The following CDH18 variants were observed in gnomAD, a reference collection of about 807,000 sequenced individuals.
CDH18 encodes cadherin-18.
A neutral mutation model predicts 67.9 loss-of-function variants in CDH18; 31 were observed. The observed-to-expected ratio is 0.46, with a 90% CI of 0.34 to 0.62. The LOEUF (loss-of-function observed/expected upper bound fraction) is 0.62. Among genes scored for constraint, CDH18 ranks in the 20% least tolerant of loss-of-function variants. CDH18 has a pLI of 0.01. For synonymous variants in CDH18, 362 were observed against 347.2 expected, an observed-to-expected ratio of 1.04 and a Z score of -0.48; for missense variants, 890 against 975.5, an observed-to-expected ratio of 0.91 and a Z score of 1.17.
intron 2 of CDH18, among the ~76,000 whole-genome samples, chr5:20,038,948 T>C (rs1412624127): frequency 6.6e-6 from 1 of 152,226 alleles, no homozygotes; most frequent in African/African-American, 2.4e-5. Context: ...GAAAACCCCA[T>C]CGTTTCAGCC....
At chr5:20,512,454 T>G (rs1755097158) in intron 1 of CDH18, among the ~76,000 whole-genome samples, 1 of 152,200 alleles carries the variant, frequency 6.6e-6, no homozygotes, top group African/African-American at 2.4e-5. Context: ...CTTATAATTA[T>G]GTATTAATGT....
At chr5:19,685,343 C>G (rs1760929632) in intron 5 of CDH18, among the ~76,000 whole-genome samples, 1 of 152,118 alleles carries the variant, frequency 6.6e-6, no homozygotes, top group African/African-American at 2.4e-5. Context: ...CCTCCAGGGA[C>G]CACAATTGTC....
chr5:19,756,439 A>C (rs995546348), intron 3 of CDH18, among the ~76,000 whole-genome samples: 1 of 152,172 alleles, frequency 6.6e-6, no homozygotes, highest in South Asian at 2.1e-4. Flanking sequence ...GCAGGTCATG[A>C]TATTTTCCTG....
At chr5:19,611,209 A>G (rs1290962736) in intron 6 of CDH18, among the ~76,000 whole-genome samples, 1 of 152,108 alleles carries the variant, frequency 6.6e-6, no homozygotes. Flanking sequence ...CAAGCACGCA[A>G]AAGTGCTGTG....
chr5:20,448,130 A>G (rs576945111), intron 1 of CDH18, among the ~76,000 whole-genome samples: 2 of 150,996 alleles, frequency 1.3e-5, no homozygotes, highest in Admixed American at 6.6e-5. Context: ...ATTCCCACCT[A>G]TGATTGAGAA....
chr5:20,376,873 C>T (rs1743492339), intron 1 of CDH18, among the ~76,000 whole-genome samples: 1 of 151,780 alleles, frequency 6.6e-6, no homozygotes, highest in Non-Finnish European at 1.5e-5. Context: ...TAAAATTAGC[C>T]GGGCGTGGTG....
At chr5:19,815,981 C>T (rs982776359) in intron 3 of CDH18, among the ~76,000 whole-genome samples, 3 of 151,828 alleles carry the variant, frequency 2.0e-5, no homozygotes, top group Admixed American at 6.6e-5. Flanking sequence ...CTTCAACATA[C>T]GATTTATATC....
At chr5:20,056,393 T>C (rs1741929542) in intron 2 of CDH18, among the ~76,000 whole-genome samples, 1 of 148,522 alleles carries the variant, frequency 6.7e-6, no homozygotes, top group Non-Finnish European at 1.5e-5. Context: ...GTTTTTTTTG[T>C]TTGTTTGTTT....
At chr5:19,825,481 G>C (rs1029448661) in intron 3 of CDH18, among the ~76,000 whole-genome samples, 1 of 152,052 alleles carries the variant, frequency 6.6e-6, no homozygotes. Context: ...GTTCCCCTGG[G>C]AAGCACTGGA....
At chr5:20,183,996 T>G (rs1434547979) in intron 2 of CDH18, among the ~76,000 whole-genome samples, 1 of 152,084 alleles carries the variant, frequency 6.6e-6, no homozygotes, top group Non-Finnish European at 1.5e-5. Context: ...TTCTAAGCAT[T>G]TTCTTGCTTG....
intron 5 of CDH18, among the ~76,000 whole-genome samples, chr5:19,662,891 T>C (rs1362154167): frequency 6.6e-6 from 1 of 152,052 alleles, no homozygotes; most frequent in Admixed American, 6.6e-5. Flanking sequence ...TAATTTAAGC[T>C]AAGCTGTTAT....
chr5:19,672,827 T>C (rs1168351083), intron 5 of CDH18, among the ~76,000 whole-genome samples: 3 of 152,032 alleles, frequency 2.0e-5, no homozygotes, highest in Non-Finnish European at 4.4e-5. Context: ...TTGTCAATAA[T>C]AATATTTGAT....
chr5:20,053,171 A>G (rs1741585219), intron 2 of CDH18, among the ~76,000 whole-genome samples: 1 of 151,922 alleles, frequency 6.6e-6, no homozygotes, highest in South Asian at 2.1e-4. Flanking sequence ...AAAATTTCTG[A>G]AACGCTTTTA....
intron 1 of CDH18, among the ~76,000 whole-genome samples, chr5:20,352,059 A>T (rs1741224519): frequency 6.6e-6 from 1 of 152,184 alleles, no homozygotes; most frequent in African/African-American, 2.4e-5. Flanking sequence ...TCAGCAAAAA[A>T]TCTGCATCAA....
intron 2 of CDH18, among the ~76,000 whole-genome samples, chr5:19,897,679 A>G (rs182704896): frequency 6.6e-6 from 1 of 152,132 alleles, no homozygotes; most frequent in Non-Finnish European, 1.5e-5. Flanking sequence ...AATGTTCATC[A>G]TTTGAATAGT....
At chr5:20,157,561 T>C (rs1751630593) in intron 2 of CDH18, among the ~76,000 whole-genome samples, 2 of 152,158 alleles carry the variant, frequency 1.3e-5, no homozygotes, top group Non-Finnish European at 2.9e-5. Flanking sequence ...CAAATATTAA[T>C]AATTACATTT....
At chr5:20,067,108 G>T (rs1190368413) in intron 2 of CDH18, among the ~76,000 whole-genome samples, 1 of 151,822 alleles carries the variant, frequency 6.6e-6, no homozygotes, top group Admixed American at 6.6e-5. Flanking sequence ...CAATAAGCCA[G>T]AGATTATTTA....
At chr5:20,408,458 T>G (rs1209279362) in intron 1 of CDH18, among the ~76,000 whole-genome samples, 1 of 151,980 alleles carries the variant, frequency 6.6e-6, no homozygotes, top group Admixed American at 6.6e-5. Flanking sequence ...AACAAAGTTT[T>G]GAGGGAAGAA....
At chr5:20,050,534 AG>A (rs1325285867) in intron 2 of CDH18, among the ~76,000 whole-genome samples, 1 of 151,870 alleles carries the variant, frequency 6.6e-6, no homozygotes, top group Non-Finnish European at 1.5e-5. Context: ...GCTTTCAATG[AG>A]TCATTAAACA....
Sources: gnomAD v4.1 joint callset for allele counts (sites outside exome capture counted in the v4.1 genomes callset) on GRCh38, gnomAD v4.1.1 for gene constraint, MANE v1.5 for transcripts, NCBI Gene and HGNC (gene_info 2026-07-23, HGNC 2026-07-21) for gene names.